The following SYTL2 variants were observed in gnomAD, a reference collection of about 807,000 sequenced individuals.
SYTL2 encodes the protein synaptotagmin like 2.
SYTL2 carries 165 observed loss-of-function variants against 198.7 expected under a neutral mutation model. The observed-to-expected ratio is 0.83, with a 90% CI of 0.73 to 0.94. The LOEUF (loss-of-function observed/expected upper bound fraction) is 0.94, where lower values mean the gene tolerates loss of function less well. Among genes scored for constraint, SYTL2 ranks in the 40% least tolerant of loss-of-function variants. The pLI is 0.00. For missense variants in SYTL2, 2,835 were observed against 2,582.8 expected (o/e 1.10, Z -2.12); for synonymous variants, 966 against 917.7 (o/e 1.05, Z -0.95).
At chr11:85,798,378 G>A (rs916232997) in intron 1 of SYTL2, among the ~76,000 whole-genome samples, 2 of 152,168 alleles carry the variant, frequency 1.3e-5, no homozygotes, top group African/African-American at 2.4e-5. Flanking sequence ...AATACATAGC[G>A]TCTTGAGAAA....
the SYTL2 span, among the ~76,000 whole-genome samples, chr11:85,829,660 T>C: frequency 4.6e-5 from 7 of 152,222 alleles, no homozygotes; most frequent in African/African-American, 1.7e-4. Flanking sequence ...CTGGTTTGCA[T>C]TCCCACTAAC....
At chr11:85,779,354 G>A (rs965420764) in intron 1 of SYTL2, among the ~76,000 whole-genome samples, 1 of 152,090 alleles carries the variant, frequency 6.6e-6, no homozygotes. Flanking sequence ...TCTATGAAGA[G>A]CCACCAGTCT....
the SYTL2 span, among the ~76,000 whole-genome samples, chr11:85,834,920 T>C: frequency 6.6e-6 from 1 of 152,026 alleles, no homozygotes; most frequent in Non-Finnish European, 1.5e-5. Context: ...CCACCATGCC[T>C]GGCTACTTTT....
the SYTL2 span, among the ~76,000 whole-genome samples, chr11:85,830,757 T>C: frequency 6.6e-6 from 1 of 152,334 alleles, no homozygotes; most frequent in South Asian, 2.1e-4. Context: ...ACAGCATCCC[T>C]AGTGAGATGG....
intron 1 of SYTL2, among the ~76,000 whole-genome samples, chr11:85,780,747 G>C (rs921686067): frequency 2.6e-5 from 4 of 152,170 alleles, no homozygotes; most frequent in Admixed American, 2.6e-4. Flanking sequence ...TAACATTCTA[G>C]TGAATTAGTC....
intron 16 of SYTL2, among the ~76,000 whole-genome samples, chr11:85,704,056 A>C (rs1260015558): frequency 6.6e-6 from 1 of 152,134 alleles, no homozygotes; most frequent in African/African-American, 2.4e-5. Flanking sequence ...ACCCAAATAC[A>C]TCAATATTTA....
rs1285890417 is a variant in SYTL2 at position 85,727,801 on chromosome 11, T to C, written c.1557A>G (p.Ile519Met). Residue 519 changes from isoleucine (I) to methionine (M), a missense_variant, in exon 8 of 20, where the codon ATA becomes ATG. By Grantham distance (10) the Ile-to-Met change is conservative. Transcript: ENST00000359152. ...TEIKKSTDDS[I>M]FKVLDWFNRS... ...GGTTAAACCAGTCTAGAACTTTAAA[T>C]ATGGAATCATCAGTTGACTTCTTTA... is the stretch of plus-strand genomic sequence containing the variant. 6.2e-7 allele frequency: 1 copy of C among 1,603,324 alleles called. No individual in the cohort carries two copies.
At position 85,724,892 on chromosome 11, in the gene SYTL2, T is replaced by A; in HGVS notation, c.4466A>T (p.Gln1489Leu). The A allele has an allele frequency of 6.2e-7, 1 of 1,614,182 alleles. No individual in the cohort carries two copies. The highest frequency in any genetic ancestry group is 1.1e-5 in the South Asian group (1 of 91,070). ...VEEIVRETIVQPKSEFLEFSA... is the reference protein window; with the variant it reads ...VEEIVRETIVLPKSEFLEFSA... ...GAATTCGAGGAACTCTGATTTGGGT[T>A]GAACAATTGTTTCCCTCACAATTTC... The change falls in exon 8 of 20, where the codon CAA becomes CTA. Residue 1489 changes from glutamine to leucine, a missense_variant. Around this residue, in one of 3 missense-constraint regions of SYTL2, gnomAD observed 2,645 missense variants for 2,381.7 expected, o/e 1.11. Transcript: ENST00000359152.
chr11:85,759,834 C>T lies in SYTL2; in HGVS notation c.-389-1720G>A, dbSNP rs534278637. On this transcript the variant is annotated intron_variant, in intron 1 of 19. Coordinates refer to ENST00000359152, the MANE Select transcript of SYTL2 (RefSeq NM_206927.4). The stretch of plus-strand genomic sequence containing the variant: ...ACCTGCTTGTTCATCTTGAAAACTA[C>T]TTACCCTTCAAGACAAATCAAAGTT... 2.1e-3 allele frequency among the ~76,000 whole-genome samples: 325 copies of T among 152,308 alleles called. 2 individuals carry two copies. Among genetic ancestry groups the T allele is most frequent in the African/African-American group, 7.4e-3 (309 of 41,560 alleles).
At chr11:85,835,103 GTTTA>G in the SYTL2 span, among the ~76,000 whole-genome samples, 10 of 152,106 alleles carry the variant, frequency 6.6e-5, 1 homozygote, top group South Asian at 2.1e-3. Context: ...CTTATGATGG[GTTTA>G]TTAAGACATA....
chr11:85,764,764 T>C (rs1423864788), intron 1 of SYTL2, among the ~76,000 whole-genome samples: 2 of 152,192 alleles, frequency 1.3e-5, no homozygotes, highest in Non-Finnish European at 2.9e-5. Flanking sequence ...GAAAAGAGGA[T>C]ATGCATGAGA....
At chr11:85,841,682 G>A in the SYTL2 span, among the ~76,000 whole-genome samples, 1 of 152,142 alleles carries the variant, frequency 6.6e-6, no homozygotes, top group Non-Finnish European at 1.5e-5. Context: ...TATGGAGGGT[G>A]GGAAGAGGGA....
At chr11:85,779,768 C>G (rs2092526620) in intron 1 of SYTL2, among the ~76,000 whole-genome samples, 1 of 151,806 alleles carries the variant, frequency 6.6e-6, no homozygotes, top group African/African-American at 2.4e-5. Flanking sequence ...TTTTAATCAA[C>G]AAAGATCAAT....
chr11:85,701,193 G>A (rs374655865), intron 16 of SYTL2, among the ~76,000 whole-genome samples: 2 of 152,122 alleles, frequency 1.3e-5, no homozygotes, highest in African/African-American at 2.4e-5. Context: ...TTCAGATTTC[G>A]GATTTGTTTT....
rs867574287 is a variant in SYTL2, at chr11:85,717,494, C to T, written c.5519G>A (p.Cys1840Tyr). The change falls in exon 11 of 20, where the codon TGC becomes TAC. Residue 1840 changes from cysteine to tyrosine, a missense_variant. This residue lies in a region of SYTL2 where 2,645 missense variants were observed against 2,381.7 expected (regional missense o/e 1.11). Transcript: ENST00000359152. The part of the protein sequence containing the change: ...KPDQKPVTNE[C>Y]VPRISTVPTQ... ...ATCCTGCTACTCACTTCTTGGTACG[C>T]ATTCATTTGTAACTGGCTTCTGATC... is the stretch of plus-strand genomic sequence containing the variant. 6 of 1,613,072 alleles carry T rather than the reference C, an allele frequency of 3.7e-6. No homozygotes were observed. In the African/African-American group the frequency reaches 8.0e-5, roughly 22 times the overall value.
At chr11:85,845,945 A>G in the SYTL2 span, among the ~76,000 whole-genome samples, 1 of 152,162 alleles carries the variant, frequency 6.6e-6, no homozygotes, top group African/African-American at 2.4e-5. Context: ...TAAATAAATA[A>G]CATAAAACCA....
intron 1 of SYTL2, among the ~76,000 whole-genome samples, chr11:85,780,205 A>C (rs886581348): frequency 2.0e-5 from 3 of 152,236 alleles, no homozygotes; most frequent in Non-Finnish European, 2.9e-5. Context: ...TCATTCTTTC[A>C]ATAGTGCTTA....
chr11:85,793,403 C>G (rs191229481), intron 1 of SYTL2, among the ~76,000 whole-genome samples: 1 of 152,154 alleles, frequency 6.6e-6, no homozygotes, highest in Non-Finnish European at 1.5e-5. Flanking sequence ...AGTTTCAGAG[C>G]TTTTATCATG....
intron 4 of SYTL2, among the ~76,000 whole-genome samples, 171 bp from the exon 5 acceptor site, chr11:85,737,827 G>C (rs181971030): frequency 6.5e-4 from 99 of 152,354 alleles, no homozygotes; most frequent in Non-Finnish European, 5.3e-4. Context: ...CAGCACCAGA[G>C]TGAGAGTAAG....
Sources: gnomAD v4.1 joint callset for allele counts (sites outside exome capture counted in the v4.1 genomes callset) on GRCh38, gnomAD v4.1.1 for gene constraint, gnomAD v4.1.1 regional missense constraint, MANE v1.5 for transcripts, NCBI Gene and HGNC (gene_info 2026-07-23, HGNC 2026-07-21) for gene names.